NACC1: variants seen among roughly 807,000 people sequenced by gnomAD.
NACC1 encodes the protein nucleus accumbens-associated protein 1.
Under a neutral mutation model 41.7 loss-of-function variants are expected in NACC1, and 6 were observed. That is an observed-to-expected ratio of 0.14 (90% CI 0.08 to 0.28). The LOEUF is 0.28. NACC1 is among the 10% of genes least tolerant of loss of function. NACC1 has a pLI of 1.00. For synonymous variants in NACC1, 338 were observed against 330.6 expected (o/e 1.02, Z -0.24); for missense variants, 434 against 763.7 (o/e 0.57, Z 5.09).
rs2019722173 is a variant in NACC1 at position 13,137,414 on chromosome 19, GT to G, written c.1226+41del. 1 of 1,453,534 alleles carries G rather than the reference GT, an allele frequency of 6.9e-7. No individual in the cohort carries two copies. Among genetic ancestry groups the G allele is most frequent in the Non-Finnish European group, 9.7e-7 (1 of 1,034,444 alleles). The allele number at this position is 1,453,534 out of a possible 1,614,324, so 90.0% of individuals were successfully genotyped here. A position where few individuals can be genotyped will look rare whatever the true frequency, so the allele number is the denominator to read the frequency against. Reference sequence around the variant, plus strand: ...CCAGAGCCCCAGGGAGGGGGGTGGGGTTTCCCCATGTCCCCCCCACCACCAA... The same window carrying G: ...CCAGAGCCCCAGGGAGGGGGGTGGGGTTCCCCATGTCCCCCCCACCACCAA... On this transcript the variant is annotated intron_variant, in intron 4 of 5. Coordinates refer to ENST00000292431, the MANE Select transcript of NACC1 (RefSeq NM_052876.4). The surrounding 1 kb of genome is among the most constrained non-coding windows in gnomAD (Gnocchi z 6.1).
rs905324160 is a variant in NACC1 at position 13,140,969 on chromosome 19, C to T, written c.*2563C>T. ...TCTTTCACGCAGGACAGGCTGCCCACCCTGTCCACGTGAAGTGCCAACGCC... is the reference window on the plus strand; with the variant it reads ...TCTTTCACGCAGGACAGGCTGCCCATCCTGTCCACGTGAAGTGCCAACGCC... On this transcript the variant is annotated 3_prime_UTR_variant, in exon 6 of 6. Transcript: ENST00000292431. The surrounding 1 kb of genome is among the most constrained non-coding windows in gnomAD (Gnocchi z 4.0). 1.3e-5 allele frequency: 2 copies of T among 152,660 alleles called. No homozygotes were observed. Among genetic ancestry groups the T allele is most frequent in the African/African-American group, 4.8e-5 (2 of 41,544 alleles). 9.5% of individuals were successfully genotyped at this position (152,660 alleles called of 1,614,324 possible). A position where few individuals can be genotyped will look rare whatever the true frequency, so the allele number is the denominator to read the frequency against.
intron 1 of NACC1, among the ~76,000 whole-genome samples, chr19:13,127,365 C>A (rs936333218): frequency 1.4e-4 from 9 of 65,000 alleles, no homozygotes; most frequent in South Asian, 1.0e-3. Context: ...CATACATATA[C>A]ATATACTTTT....
intron 1 of NACC1, among the ~76,000 whole-genome samples, chr19:13,122,738 A>G (rs1046426339): frequency 3.9e-5 from 6 of 152,074 alleles, no homozygotes; most frequent in South Asian, 4.1e-4. Context: ...GGCTCTGGGG[A>G]AAACCCCAGC....
chr19:13,136,421 C>T lies in NACC1; in HGVS notation c.1120+16C>T, dbSNP rs1487821981. 6.2e-7 allele frequency: 1 copy of T among 1,601,462 alleles called. No homozygotes were observed. The highest frequency in any genetic ancestry group is 8.5e-7 in the Non-Finnish European group (1 of 1,173,234). ...CTGGTGACAGGTGGGCCGGTCTCGC[C>T]CCAGATCTCTCCCCTCCGCAGCTTT... On this transcript the variant is annotated intron_variant, in intron 3 of 5. Coordinates refer to ENST00000292431, the MANE Select transcript of NACC1 (RefSeq NM_052876.4). The surrounding 1 kb of genome is among the most constrained non-coding windows in gnomAD (Gnocchi z 5.5).
At chr19:13,127,587 A>T (rs1405789449) in intron 1 of NACC1, among the ~76,000 whole-genome samples, 1 of 151,226 alleles carries the variant, frequency 6.6e-6, no homozygotes. Flanking sequence ...GCTACTCAGG[A>T]GGCTGAGACA....
chr19:13,123,804 A>G lies in NACC1; in HGVS notation c.-9+5350A>G, dbSNP rs564145335. Among the ~76,000 whole-genome samples the G allele has an allele frequency of 6.6e-5, 10 of 152,246 alleles. No individual in the cohort carries two copies. The East Asian group carries it at 1.7e-3, about 26-fold the overall frequency. On this transcript the variant is annotated intron_variant, in intron 1 of 5. Coordinates refer to ENST00000292431, the MANE Select transcript of NACC1 (RefSeq NM_052876.4). ...CACAGCTGCCTCACATTTTTGCCTG[A>G]TTCGGGAGCCAGACGGCCTGGGTAT...
intron 1 of NACC1, among the ~76,000 whole-genome samples, chr19:13,123,942 G>A (rs1037463085): frequency 6.6e-6 from 1 of 152,148 alleles, no homozygotes; most frequent in Admixed American, 6.6e-5. Flanking sequence ...CTCAGAAACT[G>A]TAAAGAAGAG....
intron 1 of NACC1, among the ~76,000 whole-genome samples, chr19:13,122,398 C>A (rs1415847901): frequency 6.6e-6 from 1 of 152,034 alleles, no homozygotes; most frequent in Non-Finnish European, 1.5e-5. Context: ...CTCTGAGCCT[C>A]AGTGTCCTCC....
chr19:13,122,528 G>A (rs1038518053), intron 1 of NACC1, among the ~76,000 whole-genome samples: 6 of 150,758 alleles, frequency 4.0e-5, no homozygotes, highest in South Asian at 2.1e-4. Context: ...CCTGCCGGGG[G>A]GGGGGGGGTG....
Position 13,123,825 on chromosome 19 carries a change from G to A in NACC1, c.-9+5371G>A, listed in dbSNP as rs540614204. 3.3e-5 allele frequency among the ~76,000 whole-genome samples: 5 copies of A among 152,256 alleles called. No individual in the cohort carries two copies. The East Asian group carries it at 5.8e-4, about 18-fold the overall frequency. On this transcript the variant is annotated intron_variant, in intron 1 of 5. Coordinates refer to ENST00000292431, the MANE Select transcript of NACC1 (RefSeq NM_052876.4). Reference sequence around the variant, plus strand: ...CCTGATTCGGGAGCCAGACGGCCTGGGTATAAACCTGTGCCTGCCATTCAC... The same window carrying A: ...CCTGATTCGGGAGCCAGACGGCCTGAGTATAAACCTGTGCCTGCCATTCAC...
chr19:13,120,546 T>G (rs1270727368), intron 1 of NACC1, among the ~76,000 whole-genome samples: 1 of 152,222 alleles, frequency 6.6e-6, no homozygotes, highest in African/African-American at 2.4e-5. Flanking sequence ...CCCTCCAACC[T>G]GGGCCCTGCC....
intron 1 of NACC1, among the ~76,000 whole-genome samples, chr19:13,125,365 T>G (rs922131018): frequency 6.6e-6 from 1 of 151,700 alleles, no homozygotes; most frequent in Non-Finnish European, 1.5e-5. Context: ...CAGTTCGTAT[T>G]CATGAGGACA....
chr19:13,135,894 A>G lies in NACC1; in HGVS notation c.687A>G (p.Ala229=). ...CACCCCAACAGGCTCCGGTGGTGGCAGCAGCCCAGCCCGCCGTGGCTGCGG... is the reference window on the plus strand; with the variant it reads ...CACCCCAACAGGCTCCGGTGGTGGCGGCAGCCCAGCCCGCCGTGGCTGCGG... ...PPPPQQAPVV[A]AAQPAVAAGA... is the part of the protein sequence containing the mutation. The change falls in exon 2 of 6, where the codon GCA becomes GCG. Residue 229 remains alanine (A), a synonymous_variant. Coordinates refer to ENST00000292431, the MANE Select transcript of NACC1 (RefSeq NM_052876.4). The G allele has an allele frequency of 6.4e-6, 10 of 1,560,010 alleles. No individual in the cohort carries two copies. The highest frequency in any genetic ancestry group is 8.7e-6 in the Non-Finnish European group (10 of 1,154,754).
intron 1 of NACC1, among the ~76,000 whole-genome samples, chr19:13,134,612 G>A (rs897055315): frequency 2.6e-5 from 4 of 151,700 alleles, no homozygotes; most frequent in Non-Finnish European, 2.9e-5. Flanking sequence ...CAAGTGATCC[G>A]CCTGCCTCAG....
At chr19:13,134,179 C>T (rs1261821665) in intron 1 of NACC1, among the ~76,000 whole-genome samples, 1 of 152,124 alleles carries the variant, frequency 6.6e-6, no homozygotes, top group Non-Finnish European at 1.5e-5. Flanking sequence ...CCACCACACC[C>T]TCCCTAGTAG....
chr19:13,135,931 C>T lies in NACC1; in HGVS notation c.724C>T (p.Pro242Ser), dbSNP rs1194362272. 2.1e-5 allele frequency: 33 copies of T among 1,583,592 alleles called. 1 individual carries two copies. The highest frequency in any genetic ancestry group is 2.7e-5 in the Non-Finnish European group (31 of 1,166,616). ...QPAVAAGAGQ[P>S]AGGVAAAGGV... ...CGCCGTGGCTGCGGGAGCAGGGCAG[C>T]CAGCCGGTGGGGTGGCAGCAGCAGG... The change falls in exon 2 of 6, where the codon CCA becomes TCA. Residue 242 changes from proline (P) to serine (S), a missense_variant. Around this residue, in one of 4 missense-constraint regions of NACC1, gnomAD observed 234 missense variants for 308.3 expected, o/e 0.76. Transcript: ENST00000292431.
At chr19:13,120,253 G>A (rs1463899446) in intron 1 of NACC1, among the ~76,000 whole-genome samples, 2 of 152,166 alleles carry the variant, frequency 1.3e-5, no homozygotes, top group South Asian at 4.1e-4. Context: ...TGGGCTGACC[G>A]TGGGAAGCTG....
At chr19:13,130,268 G>C (rs1295018659) in intron 1 of NACC1, among the ~76,000 whole-genome samples, 1 of 151,956 alleles carries the variant, frequency 6.6e-6, no homozygotes, top group African/African-American at 2.4e-5. Flanking sequence ...GTAGAGATAG[G>C]GGTCTCACTA....
chr19:13,136,180 C>G lies in NACC1; in HGVS notation c.946+27C>G. On this transcript the variant is annotated intron_variant, in intron 2 of 5. Transcript: ENST00000292431. The surrounding 1 kb of genome is among the most constrained non-coding windows in gnomAD (Gnocchi z 5.5). ...TGAGGTGCCGTCCTGTCCCCCATCC[C>G]ACCAGCCACCCCTGCTCCTCCTGCC... The G allele has an allele frequency of 6.2e-7, 1 of 1,602,870 alleles. No individual in the cohort carries two copies. The highest frequency in any genetic ancestry group is 8.5e-7 in the Non-Finnish European group (1 of 1,173,570).
Sources: allele counts gnomAD v4.1 joint callset (sites outside exome capture counted in the v4.1 genomes callset), GRCh38; gene constraint gnomAD v4.1.1; regional missense constraint gnomAD v4.1.1; non-coding constraint Gnocchi (gnomAD v3.1); transcripts MANE v1.5; gene names NCBI Gene and HGNC (gene_info 2026-07-23, HGNC 2026-07-21).